Variants in ZBTB16 observed in about 807,000 individuals in gnomAD.
The protein encoded by ZBTB16 is zinc finger and BTB domain containing 16.
In ZBTB16, 8 loss-of-function variants were observed where a neutral mutation model predicts 56.8. That is an observed-to-expected ratio of 0.14 (90% CI 0.08 to 0.25). The LOEUF (loss-of-function observed/expected upper bound fraction) is 0.25. Ranked by LOEUF, ZBTB16 falls within the 10% of genes least tolerant of loss-of-function variation. The pLI is 1.00. For synonymous variants in ZBTB16, 363 were observed against 368.5 expected (o/e 0.98, Z 0.17); for missense variants, 625 against 903.0 (o/e 0.69, Z 3.95).
At position 114,192,125 on chromosome 11, in the gene ZBTB16, C is replaced by G. The variant is rs116260336; in HGVS notation, c.1453+5087C>G. Among the ~76,000 whole-genome samples the G allele has an allele frequency of 5.0e-3, 764 of 152,248 alleles. 4 individuals are homozygous for G. Among genetic ancestry groups the G allele is most frequent in the African/African-American group, 0.017 (712 of 41,538 alleles). On this transcript the variant is annotated intron_variant, in intron 4 of 6. Coordinates refer to ENST00000335953, the MANE Select transcript of ZBTB16 (RefSeq NM_006006.6). ...CTGGAGCTGGTGTCATCTGAAGACT[C>G]GACTGGGCTGGATGTCCAAGATGGC...
At chr11:114,175,232 C>G (rs1432078850) in intron 3 of ZBTB16, among the ~76,000 whole-genome samples, 1 of 152,152 alleles carries the variant, frequency 6.6e-6, no homozygotes, top group African/African-American at 2.4e-5. Context: ...CACACAACAC[C>G]AATACTTTCA....
At chr11:114,121,854 C>A in intron 2 of ZBTB16, 1 of 455,762 alleles carries the variant, frequency 2.2e-6, no homozygotes, top group Non-Finnish European at 4.4e-6. Flanking sequence ...GTTGGCAACA[C>A]TTCATTTTGG....
At chr11:114,099,944 C>T (rs1184829069) in intron 2 of ZBTB16, among the ~76,000 whole-genome samples, 1 of 152,144 alleles carries the variant, frequency 6.6e-6, no homozygotes, top group African/African-American at 2.4e-5. Flanking sequence ...CTTTCTCAAC[C>T]CCAGTGTGTG....
At chr11:114,187,549 G>A (rs541096156) in intron 4 of ZBTB16, 1 of 186,704 alleles carries the variant, frequency 5.4e-6, no homozygotes, top group Admixed American at 5.4e-5. Context: ...ATTTCAAAGG[G>A]ATTGATTTCA....
chr11:114,111,160 T>TGTGTGTGTGC (rs1940992550), intron 2 of ZBTB16, among the ~76,000 whole-genome samples: 1 of 149,680 alleles, frequency 6.7e-6, no homozygotes, highest in African/African-American at 2.5e-5. Context: ...GTGCTGCGTG[T>TGTGTGTGTGC]GTGTGTGTGT....
rs58946694 is a variant in ZBTB16, at chr11:114,167,232, G to GTTTTTTTTTTTTTTTTTTTTTT, written c.1366+10819_1366+10820insTTTTTTTTTTTTTTTTTTTTTT. 1.8e-4 allele frequency among the ~76,000 whole-genome samples: 16 copies of GTTTTTTTTTTTTTTTTTTTTTT among 88,716 alleles called. 1 individual carries two copies. Among genetic ancestry groups the GTTTTTTTTTTTTTTTTTTTTTT allele is most frequent in the Non-Finnish European group, 2.4e-4 (13 of 53,234 alleles). 58.2% of individuals were successfully genotyped at this position (88,716 alleles called of 152,430 possible). On this transcript the variant is annotated intron_variant, in intron 3 of 6. Transcript: ENST00000335953. ...GGATTTGTGGTTTTTTTTTTTTTTG[G>GTTTTTTTTTTTTTTTTTTTTTT]TTTTTTTTTTTTTTTTTTTTTGACA...
chr11:114,060,680 C>G lies in ZBTB16; in HGVS notation c.-91+798C>G, dbSNP rs1938797931. 6.6e-6 allele frequency: 1 copy of G among 152,418 alleles called. No individual in the cohort carries two copies. The highest frequency in any genetic ancestry group is 2.4e-5 in the African/African-American group (1 of 41,462). 9.4% of individuals were successfully genotyped at this position (152,418 alleles called of 1,614,324 possible). A position where few individuals can be genotyped will look rare whatever the true frequency, so the allele number is the denominator to read the frequency against. On this transcript the variant is annotated intron_variant, in intron 1 of 6. Coordinates refer to ENST00000335953, the MANE Select transcript of ZBTB16 (RefSeq NM_006006.6). The surrounding 1 kb of genome is among the most constrained non-coding windows in gnomAD (Gnocchi z 6.0). ...GCACAGCGCCTCGCACACTCCCGCA[C>G]GCGCTTGAAATGCGCACGGTCCCGC...
intron 3 of ZBTB16, among the ~76,000 whole-genome samples, chr11:114,178,179 T>G (rs1943164020): frequency 6.6e-6 from 1 of 152,176 alleles, no homozygotes; most frequent in Admixed American, 6.5e-5. Flanking sequence ...GTGATATATC[T>G]CTTGCATGCA....
chr11:114,218,524 G>T (rs530765724), intron 4 of ZBTB16, among the ~76,000 whole-genome samples: 125 of 152,322 alleles, frequency 8.2e-4, no homozygotes, highest in African/African-American at 2.9e-3. Context: ...CCAGCTGCTG[G>T]AGTGATTGAC....
intron 4 of ZBTB16, among the ~76,000 whole-genome samples, chr11:114,225,603 G>A (rs1364975012): frequency 6.6e-6 from 1 of 152,078 alleles, no homozygotes; most frequent in Non-Finnish European, 1.5e-5. Context: ...CCTTGAGAAC[G>A]ACATTAATCC....
intron 2 of ZBTB16, among the ~76,000 whole-genome samples, chr11:114,066,414 T>C (rs1939119918): frequency 6.6e-6 from 1 of 152,242 alleles, no homozygotes; most frequent in African/African-American, 2.4e-5. Context: ...GCTCAAACTT[T>C]CCTAAAGAGG....
At chr11:114,212,930 C>T (rs1243066280) in intron 4 of ZBTB16, among the ~76,000 whole-genome samples, 3 of 151,968 alleles carry the variant, frequency 2.0e-5, no homozygotes, top group African/African-American at 7.3e-5. Context: ...AATGCCGGCA[C>T]CCCTCCCTCA....
chr11:114,243,983 G>A (rs1276999707), intron 5 of ZBTB16, among the ~76,000 whole-genome samples: 5 of 152,164 alleles, frequency 3.3e-5, no homozygotes, highest in African/African-American at 7.2e-5. Context: ...TAGGAAACAC[G>A]GAGCATGTGT....
At chr11:114,213,581 TG>T (rs1944037994) in intron 4 of ZBTB16, among the ~76,000 whole-genome samples, 1 of 152,230 alleles carries the variant, frequency 6.6e-6, no homozygotes, top group African/African-American at 2.4e-5. Context: ...TGCCACAAAC[TG>T]TGCCAGTGCT....
At chr11:114,233,105 A>T (rs1244223879) in intron 4 of ZBTB16, among the ~76,000 whole-genome samples, 1 of 42,534 alleles carries the variant, frequency 2.4e-5, no homozygotes, top group African/African-American at 5.2e-5. Flanking sequence ...ACACACACAC[A>T]CACACACACA....
chr11:114,186,924 A>G (rs768598164), intron 3 of ZBTB16, 28 bp from the exon 4 acceptor site: 6 of 1,608,876 alleles, frequency 3.7e-6, no homozygotes, highest in South Asian at 3.3e-5. Flanking sequence ...CTATTGCTCT[A>G]GTGGTAACTG....
At position 114,245,824 on chromosome 11, in the gene ZBTB16, A is replaced by G. The variant is rs141411840; in HGVS notation, c.1625-1374A>G. On this transcript the variant is annotated intron_variant, in intron 5 of 6. Coordinates refer to ENST00000335953, the MANE Select transcript of ZBTB16 (RefSeq NM_006006.6). Reference sequence around the variant, plus strand: ...ATCTGCAGAGGGACAAGTGAAATACAGTGGGCCATTCTTTACCATAAACTG... The same window carrying G: ...ATCTGCAGAGGGACAAGTGAAATACGGTGGGCCATTCTTTACCATAAACTG... Among the ~76,000 whole-genome samples, 458 of 152,348 alleles carry G rather than the reference A, an allele frequency of 3.0e-3. 6 individuals carry two copies. Among genetic ancestry groups the G allele is most frequent in the African/African-American group, 0.011 (442 of 41,580 alleles).
At chr11:114,235,716 CTT>C (rs1385669375) in intron 4 of ZBTB16, among the ~76,000 whole-genome samples, 1 of 106,402 alleles carries the variant, frequency 9.4e-6, no homozygotes, top group African/African-American at 4.3e-5. Context: ...TTCTTTCTTT[CTT>C]TTTCTTTCTT....
At chr11:114,201,771 G>C (rs1330315652) in intron 4 of ZBTB16, among the ~76,000 whole-genome samples, 1 of 152,122 alleles carries the variant, frequency 6.6e-6, no homozygotes, top group Admixed American at 6.5e-5. Flanking sequence ...TGTTAACAAT[G>C]ATTATCTTTA....
Sources: gnomAD v4.1 joint callset for allele counts (sites outside exome capture counted in the v4.1 genomes callset) on GRCh38, gnomAD v4.1.1 for gene constraint, Gnocchi (gnomAD v3.1) non-coding constraint, MANE v1.5 for transcripts, NCBI Gene and HGNC (gene_info 2026-07-23, HGNC 2026-07-21) for gene names.